Variants in STRN observed in about 807,000 individuals in gnomAD.
STRN encodes the protein protein phosphatase 2 regulatory subunit B'''alpha.
Under a neutral mutation model 96.3 loss-of-function variants are expected in STRN, and 53 were observed. The observed-to-expected ratio is 0.55, with a 90% CI of 0.44 to 0.69. The LOEUF is 0.69. STRN is among the 30% of genes least tolerant of loss of function. STRN has a pLI of 0.00. For synonymous variants in STRN, 428 were observed against 355.9 expected (o/e 1.20, Z -2.28); for missense variants, 987 against 963.9 (o/e 1.02, Z -0.32).
intron 1 of STRN, among the ~76,000 whole-genome samples, chr2:36,941,942 T>C (rs560100174): frequency 1.3e-5 from 2 of 152,294 alleles, no homozygotes; most frequent in East Asian, 1.9e-4. Flanking sequence ...TGGTAGATGT[T>C]GTGGGCCGGC....
intron 1 of STRN, among the ~76,000 whole-genome samples, chr2:36,957,946 G>A (rs1336887197): frequency 8.0e-6 from 1 of 125,484 alleles, no homozygotes; most frequent in Non-Finnish European, 1.6e-5. Context: ...TTTTGAGACA[G>A]TCTCACTCTG....
rs747948638 is a variant in STRN at position 36,849,796 on chromosome 2, T to A, written c.2091A>T (p.Lys697Asn). ...GGTGGGCTACCATCGAGTGGATCAG[T>A]TTGCCTTTGGAAAAAGAGATTGTTA... ...HIKFYDNNTGKLIHSMVAHLE... is the reference protein window; with the variant it reads ...HIKFYDNNTGNLIHSMVAHLE... Residue 697 changes from lysine to asparagine, a missense_variant, in exon 17 of 18, where the codon AAA (lysine) becomes AAT (asparagine). Transcript: ENST00000263918. 6.2e-7 allele frequency: 1 copy of A among 1,614,124 alleles called. No homozygotes were observed. The highest frequency in any genetic ancestry group is 8.5e-7 in the Non-Finnish European group (1 of 1,179,994).
intron 7 of STRN, among the ~76,000 whole-genome samples, chr2:36,893,496 A>T (rs1312427045): frequency 6.6e-6 from 1 of 152,192 alleles, no homozygotes; most frequent in Non-Finnish European, 1.5e-5. Context: ...CTTTATGATA[A>T]ATGACTGACT....
chr2:36,871,242 T>G (rs1239563091), intron 10 of STRN, among the ~76,000 whole-genome samples: 1 of 152,222 alleles, frequency 6.6e-6, no homozygotes, highest in Non-Finnish European at 1.5e-5. Context: ...GTCCTAGACC[T>G]TCACATTCAC....
chr2:36,867,896 T>C, intron 11 of STRN, 35 bp from the exon 12 acceptor site: 2 of 1,519,976 alleles, frequency 1.3e-6, no homozygotes, highest in South Asian at 2.5e-5. Context: ...CCATTCTAAG[T>C]GTCAGTAAAC....
In STRN at chr2:36,915,232, A is replaced by AATATATATATATAT. The variant is rs72466696; in HGVS notation, c.412+832_412+845dup. ...AAAGGAAATTTAAACTGAATACATA[A>AATATATATATATAT]ATATATATATATATATATATATATA... On this transcript the variant is annotated intron_variant, in intron 3 of 17. Coordinates refer to ENST00000263918, the MANE Select transcript of STRN (RefSeq NM_003162.4). Among the ~76,000 whole-genome samples the AATATATATATATAT allele has an allele frequency of 3.0e-3, 258 of 86,430 alleles. 3 individuals are homozygous for AATATATATATATAT. The highest frequency in any genetic ancestry group is 6.9e-3 in the East Asian group (16 of 2,324). 56.7% of individuals were successfully genotyped at this position (86,430 alleles called of 152,430 possible).
At chr2:36,850,311 A>G (rs1251771100) in intron 16 of STRN, among the ~76,000 whole-genome samples, 1 of 152,254 alleles carries the variant, frequency 6.6e-6, no homozygotes, top group African/African-American at 2.4e-5. Context: ...AGAAGTCAAC[A>G]TATTAACAAG....
chr2:36,917,555 A>T (rs988438799), intron 2 of STRN, among the ~76,000 whole-genome samples: 1 of 149,862 alleles, frequency 6.7e-6, no homozygotes, highest in Non-Finnish European at 1.5e-5. Flanking sequence ...AAAAAAAAAG[A>T]AAAAAAGAAA....
At chr2:36,898,521 AAC>A (rs1175399093) in intron 6 of STRN, among the ~76,000 whole-genome samples, 1 of 152,234 alleles carries the variant, frequency 6.6e-6, no homozygotes, top group East Asian at 1.9e-4. Flanking sequence ...GAAGGCATAA[AAC>A]ACACAGAGGT....
chr2:36,894,535 C>T (rs546454941), intron 6 of STRN, among the ~76,000 whole-genome samples: 2 of 152,314 alleles, frequency 1.3e-5, no homozygotes, highest in South Asian at 4.1e-4. Flanking sequence ...AAGCTGAATA[C>T]ATGCAGGGAC....
At position 36,844,585 on chromosome 2, in the gene STRN, C is replaced by T. The variant is rs1668020358; in HGVS notation, c.*4871G>A. Reference sequence around the variant, plus strand: ...TCTAAAGCTTGGATTAGCAAAGATCCAGAAAATTCTGACCCCCTAAGCACC... The same window carrying T: ...TCTAAAGCTTGGATTAGCAAAGATCTAGAAAATTCTGACCCCCTAAGCACC... On this transcript the variant is annotated 3_prime_UTR_variant, in exon 18 of 18. Coordinates refer to ENST00000263918, the MANE Select transcript of STRN (RefSeq NM_003162.4). The T allele has an allele frequency of 6.6e-6, 1 of 152,042 alleles. No homozygotes were observed. The highest frequency in any genetic ancestry group is 1.5e-5 in the Non-Finnish European group (1 of 67,988). The allele number at this position is 152,042 out of a possible 1,614,324, so 9.4% of individuals were successfully genotyped here.
chr2:36,953,845 T>G (rs1457705107), intron 1 of STRN, among the ~76,000 whole-genome samples: 1 of 152,154 alleles, frequency 6.6e-6, no homozygotes, highest in Non-Finnish European at 1.5e-5. Flanking sequence ...AAAAATAGAC[T>G]AATAATCAGA....
Position 36,844,999 on chromosome 2 carries a change from T to C in STRN, c.*4457A>G, listed in dbSNP as rs899342493. The C allele has an allele frequency of 1.3e-5, 2 of 152,154 alleles. No homozygotes were observed. Among genetic ancestry groups the C allele is most frequent in the African/African-American group, 4.8e-5 (2 of 41,442 alleles). 9.4% of individuals were successfully genotyped at this position (152,154 alleles called of 1,614,324 possible). On this transcript the variant is annotated 3_prime_UTR_variant, in exon 18 of 18. Coordinates refer to ENST00000263918, the MANE Select transcript of STRN (RefSeq NM_003162.4). ...CCAACACTTAAAAGTACTGCAATTA[T>C]ATAAATTACTAAACAAGTTAACAGT...
intron 7 of STRN, among the ~76,000 whole-genome samples, chr2:36,890,186 G>A (rs1669351321): frequency 6.6e-6 from 1 of 152,080 alleles, no homozygotes; most frequent in Non-Finnish European, 1.5e-5. Flanking sequence ...AGCTCAGTAG[G>A]GAATAAGACA....
chr2:36,945,187 A>T (rs542701154), intron 1 of STRN, among the ~76,000 whole-genome samples: 1 of 152,330 alleles, frequency 6.6e-6, no homozygotes, highest in South Asian at 2.1e-4. Flanking sequence ...AAAAACAACG[A>T]TATTTTATAA....
At chr2:36,954,025 A>T (rs1329521400) in intron 1 of STRN, among the ~76,000 whole-genome samples, 1 of 152,140 alleles carries the variant, frequency 6.6e-6, no homozygotes, top group East Asian at 1.9e-4. Context: ...AATAAAAATT[A>T]AAAATAAACT....
chr2:36,944,525 TAG>T, intron 1 of STRN, among the ~76,000 whole-genome samples: 1 of 152,320 alleles, frequency 6.6e-6, no homozygotes, highest in South Asian at 2.1e-4. Context: ...ATGTTCCTAG[TAG>T]AAACACAAAT....
chr2:36,895,977 C>T (rs1669531796), intron 6 of STRN, among the ~76,000 whole-genome samples: 1 of 152,100 alleles, frequency 6.6e-6, no homozygotes, highest in South Asian at 2.1e-4. Context: ...ACAGGACACC[C>T]CAATTCTCAG....
At chr2:36,867,742 G>GA in intron 12 of STRN, 72 bp downstream of exon 12, 1 of 1,040,928 alleles carries the variant, frequency 9.6e-7, no homozygotes, top group Non-Finnish European at 1.3e-6. Flanking sequence ...GTAAGTGAAA[G>GA]AAAATAAAAT....
Sources: gnomAD v4.1 joint callset for allele counts (sites outside exome capture counted in the v4.1 genomes callset) on GRCh38, gnomAD v4.1.1 for gene constraint, MANE v1.5 for transcripts, NCBI Gene and HGNC (gene_info 2026-07-23, HGNC 2026-07-21) for gene names.